Variants in SVOP observed in about 807,000 individuals in gnomAD.
SVOP encodes the protein synaptic vesicle 2-related protein.
A neutral mutation model predicts 69.1 loss-of-function variants in SVOP; 17 were observed. The ratio of observed to expected loss-of-function variants is 0.25; its 90% confidence interval spans 0.17 to 0.37. SVOP has a LOEUF of 0.37. SVOP is among the 10% of genes least tolerant of loss of function. The pLI is 1.00. For synonymous variants in SVOP, 238 were observed against 238.6 expected (o/e 1.00, Z 0.02); for missense variants, 435 against 597.5 (o/e 0.73, Z 2.84).
intron 1 of SVOP, among the ~76,000 whole-genome samples, chr12:109,012,913 G>A (rs906592881): frequency 6.6e-6 from 1 of 152,174 alleles, no homozygotes; most frequent in Non-Finnish European, 1.5e-5. Context: ...TGGGCAACTG[G>A]AGTGAGAGCC....
At position 109,020,990 on chromosome 12, in the gene SVOP, A is replaced by G. The variant is rs2040395110; in HGVS notation, c.-122T>C. The G allele has an allele frequency of 1.6e-6, 1 of 613,046 alleles. No homozygotes were observed. The highest frequency in any genetic ancestry group is 2.6e-5 in the Admixed American group (1 of 38,550). 38.0% of individuals were successfully genotyped at this position (613,046 alleles called of 1,614,324 possible). ...ACCCGCGCCGCTTCCTCCCTGGAGC[A>G]GCAGCTGTTCGGGGAGGGAGCCGCT... On this transcript the variant is annotated 5_prime_UTR_variant, in exon 1 of 16. Transcript: ENST00000610966.
At chr12:108,995,758 G>T (rs577513538) in intron 1 of SVOP, among the ~76,000 whole-genome samples, 1 of 151,790 alleles carries the variant, frequency 6.6e-6, no homozygotes, top group Non-Finnish European at 1.5e-5. Context: ...AAAATTAGCC[G>T]GGCGTGTTGG....
Position 108,915,824 on chromosome 12 carries a change from T to C in SVOP, c.1399A>G (p.Met467Val). 6.2e-7 allele frequency: 1 copy of C among 1,609,124 alleles called. No individual in the cohort carries two copies. Among genetic ancestry groups the C allele is most frequent in the Non-Finnish European group, 8.5e-7 (1 of 1,178,024 alleles). Reference sequence around the variant, plus strand: ...GTGATGAGAGCACCCACTCTTGCCATGCCGCTGCAGGTGCCCAGGCCGAGG... The same window carrying C: ...GTGATGAGAGCACCCACTCTTGCCACGCCGCTGCAGGTGCCCAGGCCGAGG... ...RALGLGTCSG[M>V]ARVGALITPF... is the part of the protein sequence containing the mutation. The change falls in exon 15 of 16, where the codon ATG (methionine) becomes GTG (valine). Residue 467 changes from methionine to valine, a missense_variant. Physicochemically the swap from Met to Val is conservative, Grantham distance 21. Transcript: ENST00000610966.
chr12:109,012,326 A>C (rs1012326964), intron 1 of SVOP, among the ~76,000 whole-genome samples: 9 of 151,854 alleles, frequency 5.9e-5, no homozygotes, highest in Admixed American at 5.3e-4. Context: ...GGTTCAAGAG[A>C]TCTATCGTAC....
intron 12 of SVOP, among the ~76,000 whole-genome samples, chr12:108,921,834 T>C (rs1286699848): frequency 1.3e-5 from 2 of 152,162 alleles, no homozygotes; most frequent in Non-Finnish European, 2.9e-5. Flanking sequence ...AGCTGTAAAA[T>C]GGGAATAACT....
chr12:108,990,748 C>T lies in SVOP; in HGVS notation c.36-6987G>A, dbSNP rs138341889. Among the ~76,000 whole-genome samples, 849 of 152,218 alleles carry T rather than the reference C, an allele frequency of 5.6e-3. 12 individuals are homozygous for T. The highest frequency in any genetic ancestry group is 0.02 in the African/African-American group (825 of 41,516). On this transcript the variant is annotated intron_variant, in intron 1 of 15. Transcript: ENST00000610966. ...AAAAACAAAAGGCACAGCTCCATTC[C>T]AGCCTGACTGACAGCTCTTTGGACT...
Position 108,907,805 on chromosome 12 carries a change from G to T in SVOP, c.*4730C>A, listed in dbSNP as rs987469466. The stretch of plus-strand genomic sequence containing the variant: ...TTGCATCCTCAGTGTTGAATAACAT[G>T]TCCAGGACATGCTGGATATTCCATG... On this transcript the variant is annotated 3_prime_UTR_variant, in exon 16 of 16. Coordinates refer to ENST00000610966, the MANE Select transcript of SVOP (RefSeq NM_018711.5). 1 of 152,270 alleles carries T rather than the reference G, an allele frequency of 6.6e-6. No homozygotes were observed. The highest frequency in any genetic ancestry group is 1.5e-5 in the Non-Finnish European group (1 of 68,078). The allele number at this position is 152,270 out of a possible 1,614,324, so 9.4% of individuals were successfully genotyped here. A position where few individuals can be genotyped will look rare whatever the true frequency, so the allele number is the denominator to read the frequency against.
intron 13 of SVOP, among the ~76,000 whole-genome samples, chr12:108,919,089 C>G (rs1197867475): frequency 6.7e-6 from 1 of 149,782 alleles, no homozygotes; most frequent in African/African-American, 2.5e-5. Flanking sequence ...GGCCTACACT[C>G]ACACCTGGGT....
At chr12:109,017,393 A>G (rs2135636178) in intron 1 of SVOP, among the ~76,000 whole-genome samples, 1 of 151,150 alleles carries the variant, frequency 6.6e-6, no homozygotes, top group Middle Eastern at 3.4e-3. Flanking sequence ...ATTGTCTTCC[A>G]AGAAACCAGT....
chr12:108,921,731 C>A (rs2039749312), intron 12 of SVOP, among the ~76,000 whole-genome samples: 1 of 152,176 alleles, frequency 6.6e-6, no homozygotes, highest in African/African-American at 2.4e-5. Flanking sequence ...CTGAGATAGT[C>A]TTCAGGCACA....
intron 3 of SVOP, chr12:108,978,357 G>A: frequency 2.0e-6 from 1 of 500,584 alleles, no homozygotes; most frequent in Non-Finnish European, 3.5e-6. Flanking sequence ...TAGCTAGAAA[G>A]TTCAACTCCT....
At chr12:108,942,127 G>A (rs2039894988) in intron 7 of SVOP, among the ~76,000 whole-genome samples, 1 of 152,174 alleles carries the variant, frequency 6.6e-6, no homozygotes, top group African/African-American at 2.4e-5. Flanking sequence ...TTATTTCCCT[G>A]AGCATAATGT....
At position 108,961,035 on chromosome 12, in the gene SVOP, T is replaced by C. The variant is rs1313253031; in HGVS notation, c.466A>G (p.Ser156Gly). 6.5e-7 allele frequency: 1 copy of C among 1,536,000 alleles called. No individual in the cohort carries two copies. Among genetic ancestry groups the C allele is most frequent in the Admixed American group, 2.0e-5 (1 of 50,938 alleles). Residue 156 changes from serine to glycine, a missense_variant, in exon 6 of 16, where the codon AGC becomes GGC. Transcript: ENST00000610966. ...CCATAGTACAGAGTCCACAGCACGC[T>C]GATCTTCAGCCCCTGAAGAGAAGGA... ...QYGRKTGLKI[S>G]VLWTLYYGIL...
chr12:108,945,150 C>T lies in SVOP; in HGVS notation c.595G>A (p.Glu199Lys), dbSNP rs1251162117. ...GVPQSVTLYA[E>K]FLPMKARAKC... ...GCTCTGGCTTTCATGGGAAGGAACT[C>T]GGCATACAGCGTCACCCTGGGAATG... The change falls in exon 7 of 16, where the codon GAG becomes AAG. Residue 199 changes from glutamate to lysine, a missense_variant. Glu to Lys is a moderately conservative substitution (Grantham distance 56). Transcript: ENST00000610966. 6.5e-7 allele frequency: 1 copy of T among 1,536,892 alleles called. No homozygotes were observed. The highest frequency in any genetic ancestry group is 1.4e-5 in the African/African-American group (1 of 72,974).
At chr12:108,927,223 C>T (rs1482003739) in intron 11 of SVOP, among the ~76,000 whole-genome samples, 1 of 152,086 alleles carries the variant, frequency 6.6e-6, no homozygotes. Context: ...TAATATGGTC[C>T]TTTGTCTCTG....
At chr12:108,913,628 A>G (rs1247123051) in intron 15 of SVOP, among the ~76,000 whole-genome samples, 2 of 152,186 alleles carry the variant, frequency 1.3e-5, no homozygotes, top group Non-Finnish European at 2.9e-5. Context: ...GGCACATGGC[A>G]AACAACACGG....
rs774890742 is a variant in SVOP at position 108,912,063 on chromosome 12, C to T, written c.*472G>A. 2.7e-4 allele frequency: 172 copies of T among 627,172 alleles called. No homozygotes were observed. The highest frequency in any genetic ancestry group is 7.9e-4 in the Middle Eastern group (1 of 1,262). The allele number at this position is 627,172 out of a possible 1,614,324, so 38.9% of individuals were successfully genotyped here. ...ATAGCTGCTCAGACCACACCTAGAT[C>T]GCCTGCAATTTCAAAGAAGAAAGCC... On this transcript the variant is annotated 3_prime_UTR_variant, in exon 16 of 16. Transcript: ENST00000610966.
chr12:108,980,707 G>A lies in SVOP; in HGVS notation c.197-2044C>T, dbSNP rs1020987203. ...GGAGCTTGCAGTGAGCCGAGATTGC[G>A]CCACTGCAGTCCGCAGTCTGGCCTG... On this transcript the variant is annotated intron_variant, in intron 2 of 15. Coordinates refer to ENST00000610966, the MANE Select transcript of SVOP (RefSeq NM_018711.5). Among the ~76,000 whole-genome samples the A allele has an allele frequency of 4.4e-5, 5 of 113,548 alleles. No homozygotes were observed. The South Asian group carries it at 8.0e-4, about 18-fold the overall frequency. 74.5% of individuals were successfully genotyped at this position (113,548 alleles called of 152,430 possible).
intron 11 of SVOP, among the ~76,000 whole-genome samples, chr12:108,927,468 T>C: frequency 6.6e-6 from 1 of 152,220 alleles, no homozygotes; most frequent in South Asian, 2.1e-4. Context: ...ATATACTATA[T>C]AATTTCTCAT....
Sources: allele counts gnomAD v4.1 joint callset (sites outside exome capture counted in the v4.1 genomes callset), GRCh38; gene constraint gnomAD v4.1.1; transcripts MANE v1.5; gene names NCBI Gene and HGNC (gene_info 2026-07-23, HGNC 2026-07-21).